CHN1: variants seen among roughly 807,000 people sequenced by gnomAD.
CHN1 encodes the protein N-chimaerin.
CHN1 carries 37 observed loss-of-function variants against 59.5 expected under a neutral mutation model. The ratio of observed to expected loss-of-function variants is 0.62; its 90% CI spans 0.48 to 0.82. The LOEUF is 0.82. Among genes scored for constraint, CHN1 ranks in the 40% least tolerant of loss-of-function variants. The pLI is 0.00. For synonymous variants in CHN1, 206 were observed against 200.4 expected, an observed-to-expected ratio of 1.03 and a Z score of -0.24; for missense variants, 469 against 571.0, an observed-to-expected ratio of 0.82 and a Z score of 1.82.
intron 6 of CHN1, among the ~76,000 whole-genome samples, chr2:174,854,862 T>C (rs1257607589): frequency 3.3e-5 from 5 of 152,194 alleles, no homozygotes; most frequent in Non-Finnish European, 7.4e-5. Context: ...CATTGTTCTA[T>C]GCAATGTGAG....
rs528456684 is a variant in CHN1 at position 175,001,644 on chromosome 2, G to C, written c.19+3250C>G. ...GAGGGTGAGCAGCAACGCCAGAGGT[G>C]ACTCTACCCAGATAGAGGACCATTA... On this transcript the variant is annotated intron_variant, in intron 1 of 12. Coordinates refer to ENST00000409900, the MANE Select transcript of CHN1 (RefSeq NM_001822.7). Among the ~76,000 whole-genome samples the C allele has an allele frequency of 2.0e-5, 3 of 152,326 alleles. No homozygotes were observed. In the South Asian group the frequency reaches 6.2e-4, roughly 32 times the overall value.
At chr2:174,915,279 G>T in intron 4 of CHN1, 108 bp from the exon 5 acceptor site, 1 of 836,920 alleles carries the variant, frequency 1.2e-6, no homozygotes, top group Non-Finnish European at 1.9e-6. Flanking sequence ...TCAAGACAAA[G>T]TACTGCCACA....
chr2:174,800,997 T>G (rs1684701751), intron 12 of CHN1, among the ~76,000 whole-genome samples: 1 of 152,248 alleles, frequency 6.6e-6, no homozygotes, highest in Non-Finnish European at 1.5e-5. Flanking sequence ...ATATAACTCA[T>G]GCCTTTGGCC....
chr2:174,812,411 C>A lies in CHN1; in HGVS notation c.784G>T (p.Val262Phe), dbSNP rs756331019. The A allele has an allele frequency of 5.0e-6, 8 of 1,613,886 alleles. No homozygotes were observed. The part of the protein sequence containing the change: ...PNDCKPDLKH[V>F]KKVYSCDLTT... The stretch of plus-strand genomic sequence containing the variant: ...AGGTCACAGCTGTACACCTTTTTGA[C>A]ATGCTTCAAGTCTGGCTTACAGTCA... The change falls in exon 9 of 13, where the codon GTC becomes TTC. Residue 262 changes from valine to phenylalanine, a missense_variant. Coordinates refer to ENST00000409900, the MANE Select transcript of CHN1 (RefSeq NM_001822.7).
At chr2:174,932,733 T>A (rs1484242461) in intron 3 of CHN1, among the ~76,000 whole-genome samples, 1 of 152,154 alleles carries the variant, frequency 6.6e-6, no homozygotes, top group Non-Finnish European at 1.5e-5. Context: ...TTTGGTTGTT[T>A]AAGTGTGTGG....
intron 6 of CHN1, among the ~76,000 whole-genome samples, chr2:174,856,909 G>C (rs544921508): frequency 1.3e-5 from 2 of 152,240 alleles, no homozygotes; most frequent in African/African-American, 4.8e-5. Context: ...ATTTACAATG[G>C]GCTTTTGGCT....
chr2:174,816,445 A>G (rs1256510892), intron 8 of CHN1, among the ~76,000 whole-genome samples: 8 of 152,190 alleles, frequency 5.3e-5, no homozygotes, highest in Non-Finnish European at 4.4e-5. Context: ...TACCTAGAGA[A>G]TGGAAGGTAT....
chr2:174,851,840 T>C (rs1190089824), intron 6 of CHN1, among the ~76,000 whole-genome samples: 1 of 152,202 alleles, frequency 6.6e-6, no homozygotes, highest in Non-Finnish European at 1.5e-5. Context: ...GATTCTATAC[T>C]TAGGAAACCT....
intron 3 of CHN1, among the ~76,000 whole-genome samples, chr2:174,941,196 C>T (rs1164873463): frequency 6.6e-6 from 1 of 152,076 alleles, no homozygotes; most frequent in African/African-American, 2.4e-5. Flanking sequence ...AGTTTTTGAG[C>T]ACGTTCTTGC....
At position 174,888,975 on chromosome 2, in the gene CHN1, A is replaced by T. The variant is rs1687971746; in HGVS notation, c.261-10847T>A. 2.0e-5 allele frequency among the ~76,000 whole-genome samples: 3 copies of T among 152,198 alleles called. No homozygotes were observed. The South Asian group carries it at 6.2e-4, about 32-fold the overall frequency. ...AGTGGAGTATGAATATGGTGTTCCA[A>T]CTTTTCAGGAAGCTATTCAAGGGAC... On this transcript the variant is annotated intron_variant, in intron 5 of 12. Transcript: ENST00000409900.
chr2:174,897,209 GA>G (rs1316419109), intron 5 of CHN1, among the ~76,000 whole-genome samples: 64 of 152,234 alleles, frequency 4.2e-4, no homozygotes, highest in Non-Finnish European at 2.9e-5. Context: ...CTGAAAAGAT[GA>G]TTATTCCTGA....
intron 6 of CHN1, among the ~76,000 whole-genome samples, chr2:174,863,223 A>G (rs895027163): frequency 2.6e-5 from 4 of 152,190 alleles, no homozygotes; most frequent in African/African-American, 9.6e-5. Flanking sequence ...CAAGTGATCA[A>G]TGCATGATGT....
At chr2:174,859,110 G>T (rs557664282) in intron 6 of CHN1, among the ~76,000 whole-genome samples, 14 of 152,146 alleles carry the variant, frequency 9.2e-5, no homozygotes, top group African/African-American at 2.9e-4. Context: ...CTGGCCAGCT[G>T]AGACTGGTAC....
At chr2:174,948,440 C>A (rs575981137) in intron 2 of CHN1, among the ~76,000 whole-genome samples, 1 of 152,090 alleles carries the variant, frequency 6.6e-6, no homozygotes, top group East Asian at 1.9e-4. Context: ...TACTGAAAAG[C>A]GACAAAACCG....
chr2:174,865,039 C>G (rs1359534675), intron 6 of CHN1, among the ~76,000 whole-genome samples: 1 of 152,034 alleles, frequency 6.6e-6, no homozygotes, highest in Non-Finnish European at 1.5e-5. Context: ...GAAGAGAGGA[C>G]AGCATTTGAC....
Position 175,005,282 on chromosome 2 carries a change from G to A in CHN1, c.-370C>T, listed in dbSNP as rs1389562225. On this transcript the variant is annotated 5_prime_UTR_variant, in exon 1 of 13. Transcript: ENST00000409900. ...CCGCACTGGCGGCGGCGGCGGCGGC[G>A]ACGGGGAGAGCAGCAGCAGCCTCGC... The A allele has an allele frequency of 2.5e-6, 3 of 1,176,752 alleles. No homozygotes were observed. The highest frequency in any genetic ancestry group is 8.9e-5 in the Admixed American group (2 of 22,430). The allele number at this position is 1,176,752 out of a possible 1,614,324, so 72.9% of individuals were successfully genotyped here.
intron 8 of CHN1, among the ~76,000 whole-genome samples, chr2:174,817,641 T>C (rs1413999872): frequency 6.8e-6 from 1 of 147,678 alleles, no homozygotes; most frequent in Admixed American, 6.7e-5. Context: ...TTTTTTTCTT[T>C]TTTTTTTTTT....
intron 1 of CHN1, among the ~76,000 whole-genome samples, chr2:174,993,782 T>C (rs1559014564): frequency 6.6e-6 from 1 of 152,200 alleles, no homozygotes; most frequent in Non-Finnish European, 1.5e-5. Flanking sequence ...CTGAATCTTT[T>C]TGTAAATTGC....
At position 174,800,196 on chromosome 2, in the gene CHN1, C is replaced by T. The variant is rs1684674764; in HGVS notation, c.1300G>A (p.Ala434Thr). ...PTLMRSPELD[A>T]MAALNDIRYQ... ...CGTATATCATTCAATGCAGCCATGG[C>T]GTCTAGTTCTGGAGATCTCATAAGG... Residue 434 changes from alanine (A) to threonine (T), a missense_variant, in exon 13 of 13, where the codon GCC (alanine) becomes ACC (threonine). This residue lies in a region of CHN1 where 225 missense variants were observed against 289.9 expected (regional missense o/e 0.78). Transcript: ENST00000409900. The T allele has an allele frequency of 1.3e-6, 2 of 1,525,610 alleles. No individual in the cohort carries two copies. Among genetic ancestry groups the T allele is most frequent in the Non-Finnish European group, 8.8e-7 (1 of 1,141,344 alleles). The allele number at this position is 1,525,610 out of a possible 1,614,324, so 94.5% of individuals were successfully genotyped here.
Sources: allele counts gnomAD v4.1 joint callset (sites outside exome capture counted in the v4.1 genomes callset), GRCh38; gene constraint gnomAD v4.1.1; regional missense constraint gnomAD v4.1.1; transcripts MANE v1.5; gene names NCBI Gene and HGNC (gene_info 2026-07-23, HGNC 2026-07-21).